The following PLXNA4 variants were observed in gnomAD, a reference collection of about 807,000 sequenced individuals.
PLXNA4 encodes the protein plexin A4, also known as plexin-A4.
In PLXNA4, 44 loss-of-function variants were observed where a neutral mutation model predicts 191.8. That is an observed-to-expected ratio of 0.23 (90% confidence interval 0.18 to 0.29). The LOEUF is 0.29. PLXNA4 is among the 10% of genes least tolerant of loss of function. PLXNA4 has a pLI of 1.00. For synonymous variants in PLXNA4, 1,082 were observed against 1,009.5 expected (o/e 1.07, Z -1.36); for missense variants, 1,800 against 2,488.8 (o/e 0.72, Z 5.89).
intron 3 of PLXNA4, among the ~76,000 whole-genome samples, chr7:132,363,490 G>A (rs750380333): frequency 3.7e-4 from 57 of 152,226 alleles, no homozygotes; most frequent in Non-Finnish European, 6.9e-4. Flanking sequence ...TGTCTTCAAG[G>A]TTCATCCATG....
At chr7:132,336,397 T>C (rs76662981) in intron 3 of PLXNA4, among the ~76,000 whole-genome samples, 2,106 of 152,258 alleles carry the variant, frequency 0.014, 62 homozygotes, top group African/African-American at 0.048. Flanking sequence ...GTTTTCACAT[T>C]GTATATCCTG....
chr7:132,587,540 T>C (rs113017141), intron 2 of PLXNA4, among the ~76,000 whole-genome samples: 2 of 152,352 alleles, frequency 1.3e-5, no homozygotes, highest in African/African-American at 4.8e-5. Context: ...GAGACGTTTG[T>C]TGTTCTGTAT....
intron 3 of PLXNA4, among the ~76,000 whole-genome samples, chr7:132,405,222 A>C (rs1794165256): frequency 6.6e-6 from 1 of 152,102 alleles, no homozygotes; most frequent in Non-Finnish European, 1.5e-5. Context: ...GAGGCAGGGC[A>C]GTGGAGCCTG....
In PLXNA4 at chr7:132,455,913, C is replaced by T. The variant is rs181869824; in HGVS notation, c.1371+33379G>A. Among the ~76,000 whole-genome samples the T allele has an allele frequency of 1.5e-4, 23 of 152,274 alleles. No homozygotes were observed. In the East Asian group the frequency reaches 4.5e-3, roughly 29 times the overall value. ...GGAGGCCTGGGAGGAAGATGTGGGG[C>T]ATGCAAAGTTGTCAGGAGAATGCAG... is the stretch of plus-strand genomic sequence containing the variant. On this transcript the variant is annotated intron_variant, in intron 3 of 31. Transcript: ENST00000321063.
At chr7:132,613,613 C>T (rs12707047) in intron 2 of PLXNA4, among the ~76,000 whole-genome samples, 11 of 151,940 alleles carry the variant, frequency 7.2e-5, no homozygotes, top group Admixed American at 2.0e-4. Context: ...GAGTGGGCGA[C>T]GGGGTGATGG....
chr7:132,187,595 A>C lies in PLXNA4; in HGVS notation c.2869T>G (p.Ser957Ala). 6.2e-7 allele frequency: 1 copy of C among 1,613,140 alleles called. No individual in the cohort carries two copies. The highest frequency in any genetic ancestry group is 2.2e-5 in the East Asian group (1 of 44,804). ...GGCCCCCGGCTGGGCTTCAGATCTGAGAGAGTCAGTGTCTGTGTAGAAAGG... is the reference window on the plus strand; with the variant it reads ...GGCCCCCGGCTGGGCTTCAGATCTGCGAGAGTCAGTGTCTGTGTAGAAAGG... ...QLYYFMTLTL[S>A]DLKPSRGPMS... Residue 957 changes from serine (S) to alanine (A), a missense_variant, in exon 15 of 32, where the codon TCA (serine) becomes GCA (alanine). Physicochemically the swap from Ser to Ala is moderately conservative, Grantham distance 99 (BLOSUM62 1). Around this residue, in one of 6 missense-constraint regions of PLXNA4, gnomAD observed 1,397 missense variants for 1,880.4 expected, o/e 0.74. Transcript: ENST00000321063.
intron 3 of PLXNA4, among the ~76,000 whole-genome samples, chr7:132,415,006 G>A (rs560776544): frequency 3.3e-5 from 5 of 152,192 alleles, no homozygotes; most frequent in East Asian, 1.9e-4. Context: ...CCCTTTCCCC[G>A]ACCTCTACCA....
chr7:132,385,514 T>C (rs1335542077), intron 3 of PLXNA4, among the ~76,000 whole-genome samples: 2 of 152,144 alleles, frequency 1.3e-5, no homozygotes, highest in Non-Finnish European at 1.5e-5. Context: ...ACCAAACAAC[T>C]TTACTTTTGT....
intron 20 of PLXNA4, among the ~76,000 whole-genome samples, chr7:132,178,715 C>CACAT (rs1465077402): frequency 1.7e-5 from 2 of 117,422 alleles, no homozygotes; most frequent in African/African-American, 4.3e-5. Context: ...CATACACATA[C>CACAT]ACACACACAC....
At chr7:132,429,375 T>C (rs1795177245) in intron 3 of PLXNA4, among the ~76,000 whole-genome samples, 1 of 150,062 alleles carries the variant, frequency 6.7e-6, no homozygotes, top group African/African-American at 2.5e-5. Context: ...AGAGTAAAGA[T>C]GGGCAAACTT....
chr7:132,469,136 A>G lies in PLXNA4; in HGVS notation c.1371+20156T>C, dbSNP rs868568849. Among the ~76,000 whole-genome samples the G allele has an allele frequency of 9.9e-3, 492 of 49,844 alleles. 3 individuals are homozygous for G. The highest frequency in any genetic ancestry group is 0.027 in the African/African-American group (421 of 15,414). The allele number at this position is 49,844 out of a possible 152,430, so 32.7% of individuals were successfully genotyped here. A position where few individuals can be genotyped will look rare whatever the true frequency, so the allele number is the denominator to read the frequency against. On this transcript the variant is annotated intron_variant, in intron 3 of 31. Coordinates refer to ENST00000321063, the MANE Select transcript of PLXNA4 (RefSeq NM_020911.2). Reference sequence around the variant, plus strand: ...ACACCAACCAAAAAAAAAAAAAAAAAAAAGAAAGAAAGAAAGAAAAAAAAA... The same window carrying G: ...ACACCAACCAAAAAAAAAAAAAAAAGAAAGAAAGAAAGAAAGAAAAAAAAA...
At chr7:132,520,361 T>G (rs1356857372) in intron 1 of PLXNA4, among the ~76,000 whole-genome samples, 1 of 152,212 alleles carries the variant, frequency 6.6e-6, no homozygotes. Flanking sequence ...TCACTGAGCC[T>G]GACAAGCAAG....
chr7:132,145,469 T>G, intron 28 of PLXNA4, 181 bp from the exon 29 acceptor site: 1 of 799,404 alleles, frequency 1.3e-6, no homozygotes, highest in South Asian at 1.9e-5. Context: ...CTAACAGCTT[T>G]AAATTTCCCC....
At chr7:132,358,135 G>A (rs755720440) in intron 3 of PLXNA4, among the ~76,000 whole-genome samples, 34 of 152,192 alleles carry the variant, frequency 2.2e-4, no homozygotes, top group Admixed American at 1.8e-3. Flanking sequence ...CTGTGACTGC[G>A]TCTATGTGGC....
At chr7:132,563,105 C>T (rs1297746476) in intron 1 of PLXNA4, among the ~76,000 whole-genome samples, 1 of 104,598 alleles carries the variant, frequency 9.6e-6, no homozygotes, top group Non-Finnish European at 2.0e-5. Context: ...TCCTCCTCCT[C>T]CTCTCCCTCC....
At chr7:132,468,573 T>C (rs1796797757) in intron 3 of PLXNA4, among the ~76,000 whole-genome samples, 1 of 152,158 alleles carries the variant, frequency 6.6e-6, no homozygotes, top group Admixed American at 6.5e-5. Flanking sequence ...TTTAGAACAC[T>C]GCTCTGTGGC....
intron 3 of PLXNA4, among the ~76,000 whole-genome samples, chr7:132,337,599 G>A (rs1399696361): frequency 2.0e-5 from 3 of 152,146 alleles, no homozygotes; most frequent in Non-Finnish European, 4.4e-5. Context: ...AAGAAACAAC[G>A]TTTACAAACT....
At position 132,194,131 on chromosome 7, in the gene PLXNA4, G is replaced by C. The variant is rs773275001; in HGVS notation, c.2787C>G (p.Phe929Leu). 1 of 1,613,884 alleles carries C rather than the reference G, an allele frequency of 6.2e-7. No homozygotes were observed. The change falls in exon 14 of 32, where the codon TTC becomes TTG. Residue 929 changes from phenylalanine (F) to leucine (L), a missense_variant. Phe to Leu is a conservative substitution (Grantham distance 22). This residue lies in a region of PLXNA4 where 1,397 missense variants were observed against 1,880.4 expected (regional missense o/e 0.74). Transcript: ENST00000321063. Reference protein sequence around the residue: ...GEAKPSQHAGFVEICVAVCRP... With the variant: ...GEAKPSQHAGLVEICVAVCRP... ...GACACACAGCCACGCAGATCTCCAC[G>C]AAGCCTGCATGCTGGCTGGGCTTGG...
chr7:132,264,114 A>G (rs1799757142), intron 4 of PLXNA4: 1 of 152,254 alleles, frequency 6.6e-6, no homozygotes, highest in African/African-American at 2.4e-5. Context: ...AGAAGCAAGA[A>G]CGTTATAAAA....
Sources: gnomAD v4.1 joint callset for allele counts (sites outside exome capture counted in the v4.1 genomes callset) on GRCh38, gnomAD v4.1.1 for gene constraint, gnomAD v4.1.1 regional missense constraint, MANE v1.5 for transcripts, NCBI Gene and HGNC (gene_info 2026-07-23, HGNC 2026-07-21) for gene names.